The following SPTBN1 variants were observed in gnomAD, a reference collection of about 807,000 sequenced individuals.
SPTBN1 encodes the protein spectrin beta, non-erythrocytic 1, also known as spectrin beta chain, non-erythrocytic 1.
SPTBN1 carries 32 observed loss-of-function variants against 266.4 expected under a neutral mutation model. The observed-to-expected ratio is 0.12, with a 90% CI of 0.09 to 0.16. The LOEUF is 0.16. Ranked by LOEUF, SPTBN1 falls within the 10% of genes least tolerant of loss-of-function variation. The pLI is 1.00. For synonymous variants in SPTBN1, 1,336 were observed against 1,162.2 expected (o/e 1.15, Z -3.04); for missense variants, 2,296 against 3,067.1 (o/e 0.75, Z 5.94).
intron 1 of SPTBN1, among the ~76,000 whole-genome samples, chr2:54,480,155 T>A (rs547290427): frequency 6.6e-6 from 1 of 152,228 alleles, no homozygotes; most frequent in East Asian, 1.9e-4. Context: ...CAGAGATGGG[T>A]GCTGGGTATT....
chr2:54,512,303 CTT>C (rs938510630), intron 1 of SPTBN1, among the ~76,000 whole-genome samples: 2 of 152,142 alleles, frequency 1.3e-5, no homozygotes, highest in Non-Finnish European at 2.9e-5. Flanking sequence ...ATAGGCCAAT[CTT>C]TACTCATTTT....
intron 3 of SPTBN1, among the ~76,000 whole-genome samples, chr2:54,605,836 T>C (rs1367848090): frequency 6.6e-6 from 1 of 152,224 alleles, no homozygotes; most frequent in African/African-American, 2.4e-5. Flanking sequence ...TGTTATTCTG[T>C]GGCTTGCTGG....
At chr2:54,521,705 G>T (rs1396630985) in intron 1 of SPTBN1, among the ~76,000 whole-genome samples, 1 of 152,082 alleles carries the variant, frequency 6.6e-6, no homozygotes, top group Non-Finnish European at 1.5e-5. Context: ...GTGAAGAAGG[G>T]TTGGGAGGGT....
At chr2:54,555,404 C>A (rs557905830) in intron 2 of SPTBN1, among the ~76,000 whole-genome samples, 1 of 152,298 alleles carries the variant, frequency 6.6e-6, no homozygotes, top group Admixed American at 6.5e-5. Context: ...AGATGTAAAA[C>A]CCTGAGAGTC....
chr2:54,664,357 C>A lies in SPTBN1; in HGVS notation c.6421-96C>A. 8.0e-7 allele frequency: 1 copy of A among 1,251,020 alleles called. No homozygotes were observed. The highest frequency in any genetic ancestry group is 2.0e-5 in the Admixed American group (1 of 50,816). 77.5% of individuals were successfully genotyped at this position (1,251,020 alleles called of 1,614,324 possible). ...CTGTACTGCCTCGATCTGTGCCAGG[C>A]ATTTATACACAGCCACATGTGCGAG... On this transcript the variant is annotated intron_variant, in intron 32 of 35. Transcript: ENST00000356805. This position sits in a 1 kb window ranked among gnomAD's most constrained non-coding sequence, Gnocchi z 5.6.
intron 1 of SPTBN1, among the ~76,000 whole-genome samples, chr2:54,460,655 G>C (rs1009805747): frequency 6.6e-6 from 1 of 151,988 alleles, no homozygotes; most frequent in African/African-American, 2.4e-5. Context: ...GTTCTTTTTT[G>C]AATCAACTAA....
chr2:54,501,531 T>C (rs1410202569), intron 1 of SPTBN1, among the ~76,000 whole-genome samples: 1 of 152,210 alleles, frequency 6.6e-6, no homozygotes, highest in Non-Finnish European at 1.5e-5. Context: ...TAAGGGTAAT[T>C]TAAAGCAATT....
chr2:54,581,753 G>A (rs1325592308), intron 2 of SPTBN1, among the ~76,000 whole-genome samples: 1 of 152,036 alleles, frequency 6.6e-6, no homozygotes, highest in African/African-American at 2.4e-5. Flanking sequence ...GCCAGCTGCT[G>A]CAGGTCTCAT....
chr2:54,543,948 A>C (rs553594013), intron 2 of SPTBN1, among the ~76,000 whole-genome samples: 1 of 152,156 alleles, frequency 6.6e-6, no homozygotes, highest in African/African-American at 2.4e-5. Context: ...ATTTAGCTTT[A>C]GTGCTCTGTT....
chr2:54,512,277 CTTCCT>C (rs1455470431), intron 1 of SPTBN1, among the ~76,000 whole-genome samples: 3 of 152,164 alleles, frequency 2.0e-5, no homozygotes, highest in East Asian at 1.9e-4. Flanking sequence ...TTGATATTCT[CTTCCT>C]TTCAAGTATC....
intron 3 of SPTBN1, among the ~76,000 whole-genome samples, chr2:54,611,666 C>G (rs1181874929): frequency 1.3e-5 from 2 of 152,180 alleles, no homozygotes; most frequent in African/African-American, 4.8e-5. Flanking sequence ...CCCCATCCCT[C>G]CACACACAAC....
rs936525531 is a variant in SPTBN1, at chr2:54,525,801, G to T, written c.-47-571G>T. ...GCAAGAGTGCAATGGCACGATATCGGCTCACTACAACCTCCGCCTCCCAGA... is the reference window on the plus strand; with the variant it reads ...GCAAGAGTGCAATGGCACGATATCGTCTCACTACAACCTCCGCCTCCCAGA... On this transcript the variant is annotated intron_variant, in intron 1 of 35. Coordinates refer to ENST00000356805, the MANE Select transcript of SPTBN1 (RefSeq NM_003128.3). 3.3e-5 allele frequency among the ~76,000 whole-genome samples: 5 copies of T among 152,210 alleles called. No individual in the cohort carries two copies. In the South Asian group the frequency reaches 8.3e-4, roughly 25 times the overall value.
chr2:54,537,557 G>A (rs767653938), intron 2 of SPTBN1, among the ~76,000 whole-genome samples: 9 of 152,136 alleles, frequency 5.9e-5, no homozygotes, highest in African/African-American at 1.4e-4. Flanking sequence ...GAATTGTGGT[G>A]GGGTGGAGGA....
intron 2 of SPTBN1, among the ~76,000 whole-genome samples, chr2:54,592,673 G>C (rs1201017087): frequency 2.6e-5 from 4 of 152,208 alleles, no homozygotes; most frequent in South Asian, 2.1e-4. Context: ...ACAGGTGTGA[G>C]CCAACGCGCC....
At chr2:54,643,612 A>G (rs1319559226) in intron 19 of SPTBN1, among the ~76,000 whole-genome samples, 1 of 152,204 alleles carries the variant, frequency 6.6e-6, no homozygotes, top group Non-Finnish European at 1.5e-5. Flanking sequence ...ATAACTGAAG[A>G]TGAATATGGA....
At chr2:54,660,230 T>G in intron 32 of SPTBN1, 1 of 1,411,956 alleles carries the variant, frequency 7.1e-7, no homozygotes, top group Non-Finnish European at 9.3e-7. Context: ...TAATTCATGT[T>G]TGAGTCTCTT....
chr2:54,499,581 A>C (rs1414433286), intron 1 of SPTBN1, among the ~76,000 whole-genome samples: 1 of 152,202 alleles, frequency 6.6e-6, no homozygotes, highest in African/African-American at 2.4e-5. Context: ...AAATGTCAGC[A>C]CAGCCCAGCC....
intron 18 of SPTBN1, among the ~76,000 whole-genome samples, chr2:54,642,347 G>A (rs996881995): frequency 6.6e-6 from 1 of 152,122 alleles, no homozygotes; most frequent in Non-Finnish European, 1.5e-5. Context: ...AGTGTTCTTG[G>A]TGTGAATGAA....
At chr2:54,654,717 C>G (rs1211830189) in intron 27 of SPTBN1, among the ~76,000 whole-genome samples, 1 of 152,238 alleles carries the variant, frequency 6.6e-6, no homozygotes, top group South Asian at 2.1e-4. Flanking sequence ...TGCTGCTTCT[C>G]TACTTTCTAG....
Sources: allele counts gnomAD v4.1 joint callset (sites outside exome capture counted in the v4.1 genomes callset), GRCh38; gene constraint gnomAD v4.1.1; non-coding constraint Gnocchi (gnomAD v3.1); transcripts MANE v1.5; gene names NCBI Gene and HGNC (gene_info 2026-07-23, HGNC 2026-07-21).